CCNJL: variants seen among roughly 807,000 people sequenced by gnomAD.
CCNJL encodes cyclin J like.
In CCNJL, 33 loss-of-function variants were observed where a neutral mutation model predicts 33.4. That is an observed-to-expected ratio of 0.99 (90% CI 0.75 to 1.32). The LOEUF is 1.32. Among genes scored for constraint, CCNJL ranks in the 40% most tolerant of loss-of-function variants. The pLI is 0.00. For synonymous variants in CCNJL, 227 were observed against 220.9 expected, an observed-to-expected ratio of 1.03 and a Z score of -0.24; for missense variants, 512 against 499.7, an observed-to-expected ratio of 1.02 and a Z score of -0.23.
intron 1 of CCNJL, among the ~76,000 whole-genome samples, chr5:160,335,976 C>T (rs1208832526): frequency 6.6e-6 from 1 of 152,166 alleles, no homozygotes; most frequent in African/African-American, 2.4e-5. Flanking sequence ...TTTCAGTCCT[C>T]CTCATCGTCC....
At chr5:160,279,990 A>G (rs763001800) in intron 3 of CCNJL, among the ~76,000 whole-genome samples, 65 of 152,276 alleles carry the variant, frequency 4.3e-4, no homozygotes, top group Non-Finnish European at 6.8e-4. Flanking sequence ...TGGAAGGTGC[A>G]AACCCCAAGA....
chr5:160,261,655 G>A (rs1761340517), intron 3 of CCNJL, among the ~76,000 whole-genome samples: 2 of 151,388 alleles, frequency 1.3e-5, no homozygotes, highest in Non-Finnish European at 2.9e-5. Flanking sequence ...TTCAAGCACA[G>A]GATCCAGCCA....
At chr5:160,331,607 T>C (rs1487931110) in intron 1 of CCNJL, among the ~76,000 whole-genome samples, 1 of 152,126 alleles carries the variant, frequency 6.6e-6, no homozygotes, top group Non-Finnish European at 1.5e-5. Context: ...AGTCAATCAG[T>C]GGAATCAATC....
intron 1 of CCNJL, among the ~76,000 whole-genome samples, chr5:160,327,596 C>T (rs773922392): frequency 6.6e-6 from 1 of 152,194 alleles, no homozygotes; most frequent in Non-Finnish European, 1.5e-5. Flanking sequence ...CAGAGGCAGC[C>T]CCCAACAAGG....
At chr5:160,307,108 A>G (rs1763118522) in intron 2 of CCNJL, among the ~76,000 whole-genome samples, 1 of 152,222 alleles carries the variant, frequency 6.6e-6, no homozygotes, top group Non-Finnish European at 1.5e-5. Context: ...CCTGCACACA[A>G]GCATTCATTC....
intron 3 of CCNJL, among the ~76,000 whole-genome samples, chr5:160,265,364 G>A (rs1761531671): frequency 6.6e-6 from 1 of 152,160 alleles, no homozygotes; most frequent in Admixed American, 6.5e-5. Context: ...CCGGCCAGGT[G>A]TGGTGGCTCA....
intron 2 of CCNJL, among the ~76,000 whole-genome samples, chr5:160,286,372 T>A (rs1762406593): frequency 6.6e-6 from 1 of 152,160 alleles, no homozygotes; most frequent in Admixed American, 6.5e-5. Flanking sequence ...CCAGGTGCAG[T>A]GGCTCATGTA....
chr5:160,278,899 G>A (rs1373291073), intron 3 of CCNJL, among the ~76,000 whole-genome samples: 5 of 152,224 alleles, frequency 3.3e-5, no homozygotes, highest in Admixed American at 2.0e-4. Flanking sequence ...AAAGGGGGCT[G>A]CACGTTGATT....
chr5:160,285,120 G>A (rs1370839525), intron 2 of CCNJL, among the ~76,000 whole-genome samples: 10 of 152,098 alleles, frequency 6.6e-5, no homozygotes, highest in South Asian at 2.1e-4. Flanking sequence ...AACCTGGTAG[G>A]TGGAGGTTGC....
chr5:160,299,401 C>T (rs1012697182), intron 2 of CCNJL, among the ~76,000 whole-genome samples: 1 of 151,996 alleles, frequency 6.6e-6, no homozygotes, highest in Admixed American at 6.6e-5. Flanking sequence ...ATCCACCCAC[C>T]TCGGCCTCCC....
At chr5:160,258,734 G>C (rs1174886679) in intron 4 of CCNJL, 1 of 672,724 alleles carries the variant, frequency 1.5e-6, no homozygotes, top group South Asian at 1.6e-5. Flanking sequence ...GTCTCGCTCT[G>C]TTGCCAGGCT....
rs146936231 is a variant in CCNJL at position 160,323,625 on chromosome 5, T to C, written n.207-8120A>G. 7.2e-4 allele frequency among the ~76,000 whole-genome samples: 109 copies of C among 152,304 alleles called. 2 individuals carry two copies. In the East Asian group the frequency reaches 0.02, roughly 29 times the overall value. ...TACACTCCTAGAAGTGAAATTGTTGTGATGAAGGGTGTGACAGTTAATTTT... is the reference window on the plus strand; with the variant it reads ...TACACTCCTAGAAGTGAAATTGTTGCGATGAAGGGTGTGACAGTTAATTTT... On this transcript the variant is annotated intron_variant and non_coding_transcript_variant, in intron 1 of 7. Transcript: ENST00000377503.
At chr5:160,334,148 C>T (rs1763654338) in intron 1 of CCNJL, among the ~76,000 whole-genome samples, 1 of 152,174 alleles carries the variant, frequency 6.6e-6, no homozygotes, top group African/African-American at 2.4e-5. Context: ...TCAGCAACCA[C>T]CCTACTCCAT....
At chr5:160,290,069 T>C (rs139894503) in intron 2 of CCNJL, among the ~76,000 whole-genome samples, 4 of 152,312 alleles carry the variant, frequency 2.6e-5, no homozygotes, top group Middle Eastern at 3.4e-3. Flanking sequence ...TCGGAGGGGT[T>C]AGAAGGTGAC....
intron 4 of CCNJL, chr5:160,258,263 A>C (rs1263029452): frequency 1.4e-6 from 1 of 703,446 alleles, no homozygotes; most frequent in Non-Finnish European, 2.6e-6. Flanking sequence ...ATGGCTGGCA[A>C]GAAGGCTGTT....
intron 2 of CCNJL, among the ~76,000 whole-genome samples, chr5:160,303,700 C>CTGTG (rs551491563): frequency 0.079 from 8,272 of 104,136 alleles, 319 homozygotes; most frequent in East Asian, 0.15. Context: ...CTCTGTGTGT[C>CTGTG]TGTGTGTGTG....
chr5:160,259,161 T>A (rs2113233854), intron 4 of CCNJL, among the ~76,000 whole-genome samples: 1 of 152,352 alleles, frequency 6.6e-6, no homozygotes, highest in East Asian at 1.9e-4. Flanking sequence ...GAATAACCGA[T>A]CTGCAAATCT....
chr5:160,300,996 A>C (rs942439084), intron 2 of CCNJL, among the ~76,000 whole-genome samples: 3 of 152,188 alleles, frequency 2.0e-5, no homozygotes, highest in Non-Finnish European at 4.4e-5. Context: ...TTACCTGGTG[A>C]TATGCAAGGT....
chr5:160,272,290 G>A (rs1761864352), intron 3 of CCNJL, among the ~76,000 whole-genome samples: 1 of 152,206 alleles, frequency 6.6e-6, no homozygotes, highest in African/African-American at 2.4e-5. Flanking sequence ...GGTGAGTGGG[G>A]GATGGAGGAT....
Sources: gnomAD v4.1 joint callset for allele counts (sites outside exome capture counted in the v4.1 genomes callset) on GRCh38, gnomAD v4.1.1 for gene constraint, MANE v1.5 for transcripts, NCBI Gene and HGNC (gene_info 2026-07-23, HGNC 2026-07-21) for gene names.